SF3B3: variants seen among roughly 807,000 people sequenced by gnomAD.
SF3B3 encodes splicing factor 3b subunit 3.
Under a neutral mutation model 139.2 loss-of-function variants are expected in SF3B3, and 33 were observed. That is an observed-to-expected ratio of 0.24 (90% CI 0.18 to 0.32). The LOEUF (loss-of-function observed/expected upper bound fraction) is 0.32. SF3B3 is among the 10% of genes least tolerant of loss of function. The pLI is 1.00. For missense variants in SF3B3, 818 were observed against 1,509.4 expected, an observed-to-expected ratio of 0.54 and a Z score of 7.59; for synonymous variants, 596 against 563.6, an observed-to-expected ratio of 1.06 and a Z score of -0.81.
At chr16:70,549,665 C>G (rs1394421295) in intron 11 of SF3B3, among the ~76,000 whole-genome samples, 4 of 152,112 alleles carry the variant, frequency 2.6e-5, no homozygotes, top group Non-Finnish European at 4.4e-5. Context: ...GTGGCTCATG[C>G]CTGTAATCCC....
At chr16:70,547,823 A>C (rs2050283534) in intron 10 of SF3B3, among the ~76,000 whole-genome samples, 1 of 152,128 alleles carries the variant, frequency 6.6e-6, no homozygotes, top group African/African-American at 2.4e-5. Context: ...CTCCTGACCT[A>C]AGGCAATCCA....
Position 70,525,957 on chromosome 16 carries a change from CAAAAAAAAAAAA to C in SF3B3, c.-70-618_-70-607del, listed in dbSNP as rs920550920. On this transcript the variant is annotated intron_variant, in intron 1 of 25. Coordinates refer to ENST00000302516, the MANE Select transcript of SF3B3 (RefSeq NM_012426.5). ...GCCTGGGCGACAGATTGAGACGCCT[CAAAAAAAAAAAA>C]AAAAAAAAAAAGGAAAAAAAAAAGA... Among the ~76,000 whole-genome samples the C allele has an allele frequency of 1.1e-3, 48 of 42,274 alleles. 2 individuals are homozygous for C. Among genetic ancestry groups the C allele is most frequent in the Admixed American group, 8.1e-3 (29 of 3,564 alleles). 27.7% of individuals were successfully genotyped at this position (42,274 alleles called of 152,430 possible).
rs1298627426 is a variant in SF3B3, at chr16:70,576,084, T to TA, written c.*4271_*4272insA. 2.7e-5 allele frequency: 4 copies of TA among 150,464 alleles called. No homozygotes were observed. In the East Asian group the frequency reaches 7.9e-4, roughly 30 times the overall value. The allele number at this position is 150,464 out of a possible 1,614,324, so 9.3% of individuals were successfully genotyped here. The stretch of plus-strand genomic sequence containing the variant: ...AAAAGCCGGGCGTGAAGCCCTGTTT[T>TA]TTTTTTTTTAAAAAAAGAGTCTGCT... On this transcript the variant is annotated 3_prime_UTR_variant, in exon 26 of 26. Coordinates refer to ENST00000302516, the MANE Select transcript of SF3B3 (RefSeq NM_012426.5).
At chr16:70,549,498 G>C (rs2050300982) in intron 11 of SF3B3, among the ~76,000 whole-genome samples, 1 of 152,178 alleles carries the variant, frequency 6.6e-6, no homozygotes, top group South Asian at 2.1e-4. Context: ...GTTTTACTTT[G>C]GCTTGGTGGC....
rs79766642 is a variant in SF3B3, at chr16:70,556,873, C to G, written c.1867-13C>G. Reference sequence around the variant, plus strand: ...CATTTTCTGTGTTTTTATGATTTTTCTCTCCCTCTCAGGACTGTTTGCAAC... The same window carrying G: ...CATTTTCTGTGTTTTTATGATTTTTGTCTCCCTCTCAGGACTGTTTGCAAC... On this transcript the variant is annotated splice_polypyrimidine_tract_variant and intron_variant, in intron 14 of 25. Transcript: ENST00000302516. 2.7e-3 allele frequency: 4,385 copies of G among 1,613,658 alleles called. 193 individuals carry two copies. In the East Asian group the frequency reaches 0.079, roughly 29 times the overall value.
intron 8 of SF3B3, among the ~76,000 whole-genome samples, chr16:70,540,091 A>G (rs1004046514): frequency 3.1e-4 from 47 of 149,482 alleles, no homozygotes; most frequent in African/African-American, 9.8e-4. Flanking sequence ...AAATATTTCA[A>G]TAAGTATTTA....
At chr16:70,566,422 CATG>C in intron 20 of SF3B3, among the ~76,000 whole-genome samples, 1 of 151,932 alleles carries the variant, frequency 6.6e-6, no homozygotes, top group South Asian at 2.1e-4. Flanking sequence ...ATCAGCCAAG[CATG>C]GTGGTGGGCG....
intron 15 of SF3B3, among the ~76,000 whole-genome samples, chr16:70,557,882 TATC>T (rs764343660): frequency 5.9e-5 from 9 of 152,182 alleles, no homozygotes; most frequent in Non-Finnish European, 1.0e-4. Flanking sequence ...ATACTAGTAT[TATC>T]ATGCTCAGCA....
At chr16:70,562,456 G>A (rs1029689256) in intron 17 of SF3B3, among the ~76,000 whole-genome samples, 12 of 152,134 alleles carry the variant, frequency 7.9e-5, no homozygotes, top group African/African-American at 2.9e-4. Flanking sequence ...ACAACTTTCA[G>A]GGTCTTTTCA....
In SF3B3 at chr16:70,574,298, C is replaced by T. The variant is rs1188012443; in HGVS notation, c.*2485C>T. 1 of 152,070 alleles carries T rather than the reference C, an allele frequency of 6.6e-6. No individual in the cohort carries two copies. Among genetic ancestry groups the T allele is most frequent in the Non-Finnish European group, 1.5e-5 (1 of 68,030 alleles). The allele number at this position is 152,070 out of a possible 1,614,324, so 9.4% of individuals were successfully genotyped here. A position where few individuals can be genotyped will look rare whatever the true frequency, so the allele number is the denominator to read the frequency against. On this transcript the variant is annotated 3_prime_UTR_variant, in exon 26 of 26. Coordinates refer to ENST00000302516, the MANE Select transcript of SF3B3 (RefSeq NM_012426.5). ...GAACTCCTGGGCTCGAGCAATCCAC[C>T]TCAGCCTCCAGAGTAGGGGAGACTA... is the stretch of plus-strand genomic sequence containing the variant.
intron 8 of SF3B3, among the ~76,000 whole-genome samples, chr16:70,540,090 A>G (rs2050205335): frequency 6.7e-6 from 1 of 149,150 alleles, no homozygotes; most frequent in East Asian, 2.1e-4. Flanking sequence ...TAAATATTTC[A>G]ATAAGTATTT....
At position 70,569,063 on chromosome 16, in the gene SF3B3, C is replaced by T; in HGVS notation, c.3186C>T (p.Thr1062=). The T allele has an allele frequency of 1.2e-6, 2 of 1,610,768 alleles. No homozygotes were observed. Among genetic ancestry groups the T allele is most frequent in the Non-Finnish European group, 1.7e-6 (2 of 1,178,768 alleles). ...TGTAGGTGAGGCTCCCACCTAACAC[C>T]AATGATGAAGTAGATGAGGATCCTA... The part of the protein sequence containing the change: ...NICVVRLPPN[T]NDEVDEDPTG... The change falls in exon 23 of 26, where the codon ACC becomes ACT. Residue 1062 remains threonine (T), a synonymous_variant. Transcript: ENST00000302516.
chr16:70,569,235 T>C (rs2050505818), intron 23 of SF3B3, 94 bp downstream of exon 23: 2 of 807,930 alleles, frequency 2.5e-6, no homozygotes, highest in Admixed American at 4.7e-5. Flanking sequence ...TTATTCATAG[T>C]GCACACGACT....
chr16:70,545,020 T>G (rs2050254706), intron 10 of SF3B3, among the ~76,000 whole-genome samples: 2 of 152,206 alleles, frequency 1.3e-5, no homozygotes, highest in Non-Finnish European at 2.9e-5. Flanking sequence ...CTTATTAAAT[T>G]TATTCCTTAT....
At chr16:70,545,989 G>T (rs990364380) in intron 10 of SF3B3, among the ~76,000 whole-genome samples, 6 of 152,220 alleles carry the variant, frequency 3.9e-5, no homozygotes, top group South Asian at 2.1e-4. Context: ...TTTTGTTGTT[G>T]TTGTTTTTGT....
At chr16:70,556,077 A>G in intron 13 of SF3B3, 102 bp from the exon 14 acceptor site, 3 of 1,176,406 alleles carry the variant, frequency 2.6e-6, no homozygotes, top group East Asian at 4.7e-5. Context: ...ACAAAATACA[A>G]CAGCCCTCCT....
chr16:70,540,184 C>G (rs907459436), intron 8 of SF3B3, among the ~76,000 whole-genome samples: 1 of 148,660 alleles, frequency 6.7e-6, no homozygotes, highest in Non-Finnish European at 1.5e-5. Flanking sequence ...CACCTGAGGT[C>G]GGGAGTTCGA....
intron 5 of SF3B3, among the ~76,000 whole-genome samples, chr16:70,534,544 C>G (rs2050148990): frequency 6.6e-6 from 1 of 152,106 alleles, no homozygotes; most frequent in African/African-American, 2.4e-5. Context: ...GGATTATACT[C>G]AGGTGTCTGG....
chr16:70,560,464 A>G lies in SF3B3; in HGVS notation c.2011-5A>G. Reference sequence around the variant, plus strand: ...GGCTTCACCTGCTCCTCTCCTTTTGATTAGAACGGTGTGCTGCTGAGGACT... The same window carrying G: ...GGCTTCACCTGCTCCTCTCCTTTTGGTTAGAACGGTGTGCTGCTGAGGACT... On this transcript the variant is annotated splice_region_variant and splice_polypyrimidine_tract_variant and intron_variant, in intron 15 of 25. Coordinates refer to ENST00000302516, the MANE Select transcript of SF3B3 (RefSeq NM_012426.5). 6.2e-7 allele frequency: 1 copy of G among 1,613,112 alleles called. No individual in the cohort carries two copies. Among genetic ancestry groups the G allele is most frequent in the Non-Finnish European group, 8.5e-7 (1 of 1,179,370 alleles).
Sources: allele counts gnomAD v4.1 joint callset (sites outside exome capture counted in the v4.1 genomes callset), GRCh38; gene constraint gnomAD v4.1.1; transcripts MANE v1.5; gene names NCBI Gene and HGNC (gene_info 2026-07-23, HGNC 2026-07-21).